OXA1L: variants seen among roughly 807,000 people sequenced by gnomAD.
OXA1L encodes OXA1L mitochondrial inner membrane insertase, also known as mitochondrial inner membrane protein OXA1L.
OXA1L carries 42 observed loss-of-function variants against 52.2 expected under a neutral mutation model. That is an observed-to-expected ratio of 0.80 (90% CI 0.63 to 1.04). OXA1L has a LOEUF of 1.04. Ranked by LOEUF, OXA1L falls within the 50% of genes least tolerant of loss-of-function variation. OXA1L has a pLI of 0.00. For synonymous variants in OXA1L, 239 were observed against 201.9 expected (o/e 1.18, Z -1.56); for missense variants, 572 against 555.0 (o/e 1.03, Z -0.31).
intron 3 of OXA1L, chr14:22,768,754 G>C (rs1261564157): frequency 2.6e-5 from 4 of 154,784 alleles, no homozygotes; most frequent in African/African-American, 9.7e-5. Context: ...TTTTGTTGTT[G>C]TTAATTTTTG....
intron 2 of OXA1L, 94 bp from the exon 3 acceptor site, chr14:22,767,864 G>C: frequency 1.1e-6 from 1 of 931,040 alleles, no homozygotes; most frequent in Non-Finnish European, 1.6e-6. Flanking sequence ...AAGAAGTAGA[G>C]AGAACAGAAC....
In OXA1L at chr14:22,766,758, G is replaced by C. The variant is rs181892235; in HGVS notation, c.57G>C (p.Gly19=). ...AGCTTCTGCGCTTGCTACAGTCCGG[G>C]CGTCGGGTAAGGATGCCCCGGGGCA... ...RRELLRLLQS[G]RRVHSVAGPS... The change falls in exon 1 of 10, where the codon GGG becomes GGC. Residue 19 remains glycine, a synonymous_variant. Coordinates refer to ENST00000612549, the MANE Select transcript of OXA1L (RefSeq NM_005015.5). 6 of 1,614,202 alleles carry C rather than the reference G, an allele frequency of 3.7e-6. No homozygotes were observed. In the Admixed American group the frequency reaches 6.7e-5, roughly 18 times the overall value.
chr14:22,771,356 G>A lies in OXA1L; in HGVS notation c.1183+8G>A, dbSNP rs374563677. 13 of 1,614,082 alleles carry A rather than the reference G, an allele frequency of 8.1e-6. No individual in the cohort carries two copies. In the African/African-American group the frequency reaches 1.3e-4, roughly 17 times the overall value. On this transcript the variant is annotated splice_region_variant and intron_variant, in intron 9 of 9. Coordinates refer to ENST00000612549, the MANE Select transcript of OXA1L (RefSeq NM_005015.5). Reference sequence around the variant, plus strand: ...TGGAGCTAGCAGCCAGGGGTAAATAGTCCTTTCAGGCCAAATTCTGTCTTT... The same window carrying A: ...TGGAGCTAGCAGCCAGGGGTAAATAATCCTTTCAGGCCAAATTCTGTCTTT...
At position 22,769,891 on chromosome 14, in the gene OXA1L, C is replaced by T. The variant is rs772619937; in HGVS notation, c.540C>T (p.Ser180=). 3 of 1,614,128 alleles carry T rather than the reference C, an allele frequency of 1.9e-6. No homozygotes were observed. The Admixed American group carries it at 5.0e-5, about 27-fold the overall frequency. ...ACTTGCCAGAGATCCAGAAGTTTTCCAGTCGAATCAGAGAGGCCAAGTTAG... is the reference window on the plus strand; with the variant it reads ...ACTTGCCAGAGATCCAGAAGTTTTCTAGTCGAATCAGAGAGGCCAAGTTAG... The part of the protein sequence containing the change: ...HNHLPEIQKF[S]SRIREAKLAG... The change falls in exon 4 of 10, where the codon TCC becomes TCT. Residue 180 remains serine, a synonymous_variant. Coordinates refer to ENST00000612549, the MANE Select transcript of OXA1L (RefSeq NM_005015.5).
At chr14:22,770,088 T>A in intron 4 of OXA1L, 105 bp from the exon 5 acceptor site, 1 of 1,328,014 alleles carries the variant, frequency 7.5e-7, no homozygotes, top group Non-Finnish European at 1.1e-6. Flanking sequence ...TCCCAAGGAG[T>A]GGCCAGGGTT....
At position 22,768,183 on chromosome 14, in the gene OXA1L, A is replaced by G. The variant is rs1440746433; in HGVS notation, c.439+12A>G. 4 of 1,602,194 alleles carry G rather than the reference A, an allele frequency of 2.5e-6. No homozygotes were observed. Among genetic ancestry groups the G allele is most frequent in the Admixed American group, 1.7e-5 (1 of 59,992 alleles). On this transcript the variant is annotated intron_variant, in intron 3 of 9. Transcript: ENST00000612549. ...GGCCATTGCTGCATGTAAGGGGAAT[A>G]TACCCTGGACATGGGTTAGGGATTT...
intron 4 of OXA1L, 118 bp downstream of exon 4, chr14:22,770,052 G>T: frequency 1.4e-6 from 2 of 1,434,732 alleles, no homozygotes; most frequent in South Asian, 1.2e-5. Flanking sequence ...AGTTCTAAAG[G>T]TTTATCTGTT....
At position 22,771,865 on chromosome 14, in the gene OXA1L, C is replaced by T. The variant is rs574741932; in HGVS notation, c.*307C>T. On this transcript the variant is annotated 3_prime_UTR_variant, in exon 10 of 10. Transcript: ENST00000612549. ...AAGAATACCCAGCATTTTGGGAGGC[C>T]GAGGTGGGTGGATCACCTGAGATCA... is the stretch of plus-strand genomic sequence containing the variant. The T allele has an allele frequency of 2.5e-4, 70 of 277,476 alleles. 1 individual carries two copies. The highest frequency in any genetic ancestry group is 1.8e-3 in the East Asian group (22 of 12,510). The allele number at this position is 277,476 out of a possible 1,614,324, so 17.2% of individuals were successfully genotyped here.
chr14:22,766,774 C>A lies in OXA1L; in HGVS notation c.63+10C>A. ...ACAGTCCGGGCGTCGGGTAAGGATG[C>A]CCCGGGGCAGAGCACCGGGATGCTG... On this transcript the variant is annotated intron_variant, in intron 1 of 9. Coordinates refer to ENST00000612549, the MANE Select transcript of OXA1L (RefSeq NM_005015.5). 3.7e-6 allele frequency: 6 copies of A among 1,613,928 alleles called. No homozygotes were observed. Among genetic ancestry groups the A allele is most frequent in the Non-Finnish European group, 5.1e-6 (6 of 1,179,966 alleles).
Position 22,772,503 on chromosome 14 carries a change from A to AAAAAAC in OXA1L, c.*950_*951insCAAAAA, listed in dbSNP as rs2038487221. 2 of 140,522 alleles carry AAAAAAC rather than the reference A, an allele frequency of 1.4e-5. No homozygotes were observed. The highest frequency in any genetic ancestry group is 4.2e-4 in the East Asian group (2 of 4,766). 8.7% of individuals were successfully genotyped at this position (140,522 alleles called of 1,614,324 possible). On this transcript the variant is annotated 3_prime_UTR_variant, in exon 10 of 10. Coordinates refer to ENST00000612549, the MANE Select transcript of OXA1L (RefSeq NM_005015.5). ...GACTCCTTCTCAAAAAAAAAAAAAAAAAAAAAAAAAAAAAAACAGTTTAAA... is the reference window on the plus strand; with the variant it reads ...GACTCCTTCTCAAAAAAAAAAAAAAAAAAAACAAAAAAAAAAAAAAAACAGTTTAAA...
chr14:22,771,165 G>C lies in OXA1L; in HGVS notation c.1087G>C (p.Glu363Gln). The C allele has an allele frequency of 6.2e-7, 1 of 1,613,870 alleles. No individual in the cohort carries two copies. Among genetic ancestry groups the C allele is most frequent in the Non-Finnish European group, 8.5e-7 (1 of 1,179,890 alleles). The change falls in exon 8 of 10, where the codon GAG becomes CAG. Residue 363 changes from glutamate to glutamine, a missense_variant. Transcript: ENST00000612549. ...ATTACCTCCACGGGAAGGCTTCCTA[G>C]AGAGCTTCAAAAAAGGTAAGGGCTC... ...DKLPPREGFL[E>Q]SFKKGWKNAE...
rs11553407 is a variant in OXA1L, at chr14:22,771,158, C to T, written c.1080C>T (p.Gly360=). The change falls in exon 8 of 10, where the codon GGC becomes GGT. Residue 360 remains glycine (G), a synonymous_variant. Coordinates refer to ENST00000612549, the MANE Select transcript of OXA1L (RefSeq NM_005015.5). ...HDLDKLPPRE[G]FLESFKKGWK... is the part of the protein sequence containing the mutation. ...TGGACAAATTACCTCCACGGGAAGG[C>T]TTCCTAGAGAGCTTCAAAAAAGGTA... 1 of 1,614,048 alleles carries T rather than the reference C, an allele frequency of 6.2e-7. No homozygotes were observed. Among genetic ancestry groups the T allele is most frequent in the South Asian group, 1.1e-5 (1 of 91,086 alleles).
intron 3 of OXA1L, chr14:22,768,908 CTTTTATTTTATT>C (rs924236689): frequency 4.6e-5 from 7 of 152,028 alleles, no homozygotes; most frequent in Non-Finnish European, 7.4e-5. Context: ...TCCAATTACA[CTTTTATTTTATT>C]TTTTATTTTA....
rs749747753 is a variant in OXA1L, at chr14:22,770,486, T to C, written c.695T>C (p.Ile232Thr). 1.9e-6 allele frequency: 3 copies of C among 1,614,048 alleles called. No homozygotes were observed. The highest frequency in any genetic ancestry group is 2.5e-6 in the Non-Finnish European group (3 of 1,179,890). ...GCCCCAATCTTCATCTCCTTCTTCA[T>C]TGCTTTGAGAGAGATGGCCAACCTT... ...TQAPIFISFFIALREMANLPV... is the reference protein window; with the variant it reads ...TQAPIFISFFTALREMANLPV... Residue 232 changes from isoleucine to threonine, a missense_variant, in exon 6 of 10, where the codon ATT (isoleucine) becomes ACT (threonine). By Grantham distance (89) the Ile-to-Thr change is moderately conservative. Coordinates refer to ENST00000612549, the MANE Select transcript of OXA1L (RefSeq NM_005015.5).
intron 1 of OXA1L, 91 bp from the exon 2 acceptor site, chr14:22,767,157 C>A: frequency 6.5e-7 from 1 of 1,546,998 alleles, no homozygotes. Context: ...CTGCCTGCTT[C>A]TTGGGGAGTT....
chr14:22,768,015 G>T lies in OXA1L; in HGVS notation c.283G>T (p.Ala95Ser). ...CTCACCCACAGCAGTACCTGAGGTG[G>T]CTTCTGGAGAGACTGCAGATGTAGT... ...TPSPTAVPEV[A>S]SGETADVVQT... is the part of the protein sequence containing the mutation. Residue 95 changes from alanine (A) to serine (S), a missense_variant, in exon 3 of 10, where the codon GCT becomes TCT. Physicochemically the swap from Ala to Ser is moderately conservative, Grantham distance 99 (BLOSUM62 1). Coordinates refer to ENST00000612549, the MANE Select transcript of OXA1L (RefSeq NM_005015.5). 1 of 1,614,222 alleles carries T rather than the reference G, an allele frequency of 6.2e-7. No homozygotes were observed. The highest frequency in any genetic ancestry group is 8.5e-7 in the Non-Finnish European group (1 of 1,180,020).
Position 22,766,735 on chromosome 14 carries a change from C to T in OXA1L, c.34C>T (p.Leu12Phe), listed in dbSNP as rs568620624. ...AMGLMCGRRE[L>F]LRLLQSGRRV... is the part of the protein sequence containing the mutation. The stretch of plus-strand genomic sequence containing the variant: ...GGGACTAATGTGCGGACGCCGGGAG[C>T]TTCTGCGCTTGCTACAGTCCGGGCG... The change falls in exon 1 of 10, where the codon CTT (leucine) becomes TTT (phenylalanine). Residue 12 changes from leucine to phenylalanine, a missense_variant. Transcript: ENST00000612549. 2 of 1,614,162 alleles carry T rather than the reference C, an allele frequency of 1.2e-6. No individual in the cohort carries two copies. Among genetic ancestry groups the T allele is most frequent in the Admixed American group, 3.3e-5 (2 of 60,016 alleles).
intron 3 of OXA1L, chr14:22,768,483 A>ATGATACGGCG: frequency 1.4e-5 from 5 of 346,904 alleles, no homozygotes; most frequent in South Asian, 6.5e-5. Flanking sequence ...CAGGCACTTA[A>ATGATACGGCG]ACCCCTAAAT....
rs764053872 is a variant in OXA1L at position 22,771,388 on chromosome 14, T to C, written c.1183+40T>C. 5 of 1,607,048 alleles carry C rather than the reference T, an allele frequency of 3.1e-6. No homozygotes were observed. In the East Asian group the frequency reaches 1.1e-4, roughly 36 times the overall value. On this transcript the variant is annotated intron_variant, in intron 9 of 9. Coordinates refer to ENST00000612549, the MANE Select transcript of OXA1L (RefSeq NM_005015.5). ...CAGGCCAAATTCTGTCTTTTGTTTC[T>C]TCCTTTCTGTTCTTCGTTGAAATTT...
Sources: allele counts gnomAD v4.1 joint callset, GRCh38; gene constraint gnomAD v4.1.1; transcripts MANE v1.5; gene names NCBI Gene and HGNC (gene_info 2026-07-23, HGNC 2026-07-21).